The following KDM4C variants were observed in gnomAD, a reference collection of about 807,000 sequenced individuals.
The protein encoded by KDM4C is lysine-specific demethylase 4C.
KDM4C carries 81 observed loss-of-function variants against 129.3 expected under a neutral mutation model. The observed-to-expected ratio is 0.63, with a 90% CI of 0.52 to 0.75. The LOEUF (loss-of-function observed/expected upper bound fraction) is 0.75. KDM4C is among the 30% of genes least tolerant of loss of function. The pLI, the probability that KDM4C is intolerant of heterozygous loss-of-function variation, is 0.00. For missense variants in KDM4C, 1,457 were observed against 1,304.0 expected (o/e 1.12, Z -1.81); for synonymous variants, 573 against 456.1 (o/e 1.26, Z -3.26).
At chr9:6,852,883 C>T (rs1839114391) in intron 5 of KDM4C, among the ~76,000 whole-genome samples, 1 of 152,058 alleles carries the variant, frequency 6.6e-6, no homozygotes, top group South Asian at 2.1e-4. Context: ...TATGTGCTGC[C>T]CCTACTTTAG....
rs1822304018 is a variant in KDM4C at position 6,925,443 on chromosome 9, C to T, written c.921+32211C>T. 3 of 819,300 alleles carry T rather than the reference C, an allele frequency of 3.7e-6. No individual in the cohort carries two copies. In the South Asian group the frequency reaches 1.8e-4, roughly 49 times the overall value. The allele number at this position is 819,300 out of a possible 1,614,324, so 50.8% of individuals were successfully genotyped here. A position where few individuals can be genotyped will look rare whatever the true frequency, so the allele number is the denominator to read the frequency against. On this transcript the variant is annotated intron_variant, in intron 8 of 21. Transcript: ENST00000381309. ...CCCCTTCCTCCTTTCCCCTTTTCCT[C>T]TTCCCCCTTCCCCCTCTCCTCCCCT...
chr9:7,038,187 C>T (rs573032978), intron 15 of KDM4C, among the ~76,000 whole-genome samples: 60 of 152,142 alleles, frequency 3.9e-4, no homozygotes, highest in African/African-American at 1.4e-3. Context: ...TTGTACGTTT[C>T]TTGTAAAAAG....
chr9:7,016,127 A>G (rs932243134), intron 15 of KDM4C, among the ~76,000 whole-genome samples, 198 bp downstream of exon 15: 2 of 146,748 alleles, frequency 1.4e-5, no homozygotes, highest in Non-Finnish European at 3.0e-5. Context: ...AGGTAAATTT[A>G]TTTTCTTTTT....
At chr9:6,913,968 C>T (rs1424830518) in intron 8 of KDM4C, among the ~76,000 whole-genome samples, 1 of 152,202 alleles carries the variant, frequency 6.6e-6, no homozygotes, top group Non-Finnish European at 1.5e-5. Flanking sequence ...AGCAACTGCA[C>T]TTTCTGCGTT....
intron 8 of KDM4C, among the ~76,000 whole-genome samples, chr9:6,921,528 A>G (rs928809825): frequency 4.6e-5 from 7 of 152,320 alleles, no homozygotes; most frequent in African/African-American, 1.7e-4. Flanking sequence ...TGGGATGCCC[A>G]CTGCTCACCA....
intron 15 of KDM4C, among the ~76,000 whole-genome samples, chr9:7,031,797 T>C (rs1412439993): frequency 6.6e-6 from 1 of 152,200 alleles, no homozygotes; most frequent in Non-Finnish European, 1.5e-5. Flanking sequence ...CCATTTTATT[T>C]GTCTTCTGAA....
chr9:6,903,407 A>G (rs137889335), intron 8 of KDM4C, among the ~76,000 whole-genome samples: 5 of 152,172 alleles, frequency 3.3e-5, no homozygotes, highest in Non-Finnish European at 7.4e-5. Flanking sequence ...CCCAGTCCCC[A>G]GGAGAATGTA....
chr9:6,928,075 C>T (rs145695687), intron 8 of KDM4C, among the ~76,000 whole-genome samples: 1 of 152,086 alleles, frequency 6.6e-6, no homozygotes, highest in East Asian at 1.9e-4. Flanking sequence ...TTTTTTAGCC[C>T]ACTCCAGTTG....
At position 6,994,928 on chromosome 9, in the gene KDM4C, G is replaced by C. The variant is rs549589247; in HGVS notation, c.1786+4404G>C. On this transcript the variant is annotated intron_variant, in intron 12 of 21. Transcript: ENST00000381309. ...AATGCAGCTGACCCATTGTAGATGC[G>C]GCTGGTGCCTTGGAGTTTGAGGGCT... is the stretch of plus-strand genomic sequence containing the variant. 2.0e-5 allele frequency among the ~76,000 whole-genome samples: 3 copies of C among 152,248 alleles called. No individual in the cohort carries two copies. The East Asian group carries it at 5.8e-4, about 29-fold the overall frequency.
chr9:6,791,906 G>A (rs1380519540), intron 1 of KDM4C, among the ~76,000 whole-genome samples: 1 of 152,078 alleles, frequency 6.6e-6, no homozygotes, highest in African/African-American at 2.4e-5. Flanking sequence ...CCTGTAATCC[G>A]AGCTACCCGG....
chr9:6,824,732 A>T (rs1833606185), intron 4 of KDM4C, among the ~76,000 whole-genome samples: 1 of 152,162 alleles, frequency 6.6e-6, no homozygotes, highest in African/African-American at 2.4e-5. Context: ...ATACAAGGTG[A>T]CCATAGGGTA....
At chr9:6,943,181 A>T (rs1826270637) in intron 8 of KDM4C, among the ~76,000 whole-genome samples, 1 of 152,094 alleles carries the variant, frequency 6.6e-6, no homozygotes, top group Non-Finnish European at 1.5e-5. Context: ...CCTCTGATTG[A>T]ATTTTAACTG....
chr9:6,900,520 A>G (rs1817216650), intron 8 of KDM4C, among the ~76,000 whole-genome samples: 1 of 152,330 alleles, frequency 6.6e-6, no homozygotes, highest in East Asian at 1.9e-4. Flanking sequence ...CTGTCATCCC[A>G]GCACTTTGGG....
intron 15 of KDM4C, among the ~76,000 whole-genome samples, chr9:7,032,350 C>A (rs1237505936): frequency 6.6e-6 from 1 of 152,194 alleles, no homozygotes; most frequent in East Asian, 1.9e-4. Context: ...TACTTTTATT[C>A]CAGAACACAA....
chr9:6,884,226 C>A (rs1273502830), intron 6 of KDM4C, among the ~76,000 whole-genome samples: 2 of 152,078 alleles, frequency 1.3e-5, no homozygotes, highest in African/African-American at 2.4e-5. Context: ...TCCTGAGTAA[C>A]CACTCCGTGA....
At chr9:7,008,309 A>T (rs1295466766) in intron 12 of KDM4C, among the ~76,000 whole-genome samples, 1 of 152,150 alleles carries the variant, frequency 6.6e-6, no homozygotes, top group Non-Finnish European at 1.5e-5. Flanking sequence ...GTGTCAGGCC[A>T]TCTCTCAGCC....
Position 6,758,407 on chromosome 9 carries a change from G to A in KDM4C, c.-18+204G>A, listed in dbSNP as rs1818697216. Among the ~76,000 whole-genome samples, 1 of 152,182 alleles carries A rather than the reference G, an allele frequency of 6.6e-6. No individual in the cohort carries two copies. The highest frequency in any genetic ancestry group is 1.5e-5 in the Non-Finnish European group (1 of 68,024). ...GGCCGCGGCCGCAGGGGAGGGATGC[G>A]GGGGCCGGTGACAGCCCGCTCCGGC... On this transcript the variant is annotated intron_variant, in intron 1 of 21. Transcript: ENST00000381309. The surrounding 1 kb of genome is among the most constrained non-coding windows in gnomAD (Gnocchi z 4.6).
intron 8 of KDM4C, among the ~76,000 whole-genome samples, chr9:6,932,625 G>C (rs1390781771): frequency 1.3e-5 from 2 of 152,198 alleles, no homozygotes; most frequent in East Asian, 1.9e-4. Context: ...AAGAGGTTAA[G>C]TGTCTCCCCC....
intron 8 of KDM4C, among the ~76,000 whole-genome samples, chr9:6,973,573 T>A (rs1383314264): frequency 6.6e-6 from 1 of 152,228 alleles, no homozygotes; most frequent in East Asian, 1.9e-4. Context: ...AAAATTAGTA[T>A]GACATATAGC....
Sources: gnomAD v4.1 joint callset for allele counts (sites outside exome capture counted in the v4.1 genomes callset) on GRCh38, gnomAD v4.1.1 for gene constraint, Gnocchi (gnomAD v3.1) non-coding constraint, MANE v1.5 for transcripts, NCBI Gene and HGNC (gene_info 2026-07-23, HGNC 2026-07-21) for gene names.